The following SH3GL3 variants were observed in gnomAD, a reference collection of about 807,000 sequenced individuals.
SH3GL3 encodes the protein endophilin-A3.
SH3GL3 carries 33 observed loss-of-function variants against 47.7 expected under a neutral mutation model. That is an observed-to-expected ratio of 0.69 (90% confidence interval 0.52 to 0.92). The LOEUF (loss-of-function observed/expected upper bound fraction) is 0.92. Among genes scored for constraint, SH3GL3 ranks in the 40% least tolerant of loss-of-function variants. SH3GL3 has a pLI of 0.00. For synonymous variants in SH3GL3, 155 were observed against 148.8 expected, an observed-to-expected ratio of 1.04 and a Z score of -0.30; for missense variants, 363 against 417.8, an observed-to-expected ratio of 0.87 and a Z score of 1.14.
intron 1 of SH3GL3, among the ~76,000 whole-genome samples, chr15:83,467,624 T>C (rs1567243014): frequency 6.6e-6 from 1 of 152,236 alleles, no homozygotes; most frequent in Non-Finnish European, 1.5e-5. Flanking sequence ...TGGAAAGCAT[T>C]GATGAACATT....
intron 2 of SH3GL3, among the ~76,000 whole-genome samples, chr15:83,560,539 G>A (rs2045214555): frequency 6.6e-6 from 1 of 152,158 alleles, no homozygotes. Context: ...CAGTTGAAAT[G>A]TTAAATTTAA....
chr15:83,622,585 A>G (rs1345372959), downstream of SH3GL3, among the ~76,000 whole-genome samples: 1 of 152,250 alleles, frequency 6.6e-6, no homozygotes, highest in Admixed American at 6.5e-5. Context: ...GTCTGTTGAC[A>G]GATAGCTGCC....
At chr15:83,569,548 A>G (rs79237252) in intron 4 of SH3GL3, among the ~76,000 whole-genome samples, 2,203 of 152,328 alleles carry the variant, frequency 0.014, 24 homozygotes, top group Non-Finnish European at 0.022. Flanking sequence ...AGTCAAGAGT[A>G]TGCTTATTTT....
At chr15:83,508,643 T>C (rs1325666311) in intron 1 of SH3GL3, among the ~76,000 whole-genome samples, 1 of 152,038 alleles carries the variant, frequency 6.6e-6, no homozygotes, top group Non-Finnish European at 1.5e-5. Context: ...AGTGGCACGA[T>C]CTCAGCTCAC....
intron 1 of SH3GL3, among the ~76,000 whole-genome samples, chr15:83,465,014 T>TAAC (rs984706988): frequency 7.1e-5 from 9 of 126,870 alleles, no homozygotes; most frequent in African/African-American, 2.4e-4. Context: ...ATAATAATAA[T>TAAC]AATAATAATA....
At chr15:83,467,057 C>G (rs1057130523) in intron 1 of SH3GL3, among the ~76,000 whole-genome samples, 9 of 152,238 alleles carry the variant, frequency 5.9e-5, no homozygotes, top group African/African-American at 1.9e-4. Context: ...TTGATGAAGT[C>G]CAATTTAAGA....
rs757870421 is a variant in SH3GL3 at position 83,448,913 on chromosome 15, G to A, written c.45+1335G>A. 6.6e-6 allele frequency among the ~76,000 whole-genome samples: 1 copy of A among 152,130 alleles called. No homozygotes were observed. The highest frequency in any genetic ancestry group is 1.5e-5 in the Non-Finnish European group (1 of 68,032). Reference sequence around the variant, plus strand: ...CTATTCAGGTGAGGGTGGAGATGATGGATTCACCACTGAACCCAGGGACTT... The same window carrying A: ...CTATTCAGGTGAGGGTGGAGATGATAGATTCACCACTGAACCCAGGGACTT... On this transcript the variant is annotated intron_variant, in intron 1 of 8. Coordinates refer to ENST00000427482, the MANE Select transcript of SH3GL3 (RefSeq NM_003027.5). This position sits in a 1 kb window ranked among gnomAD's most constrained non-coding sequence, Gnocchi z 4.2.
At chr15:83,522,144 G>A (rs531043454) in intron 1 of SH3GL3, among the ~76,000 whole-genome samples, 1 of 152,152 alleles carries the variant, frequency 6.6e-6, no homozygotes, top group Non-Finnish European at 1.5e-5. Context: ...GTGCTTGATG[G>A]TAAGCACATC....
At chr15:83,552,298 GA>G (rs1222968729) in intron 1 of SH3GL3, among the ~76,000 whole-genome samples, 7 of 152,174 alleles carry the variant, frequency 4.6e-5, no homozygotes, top group Non-Finnish European at 5.9e-5. Flanking sequence ...GTTATACAAT[GA>G]TTTTTGAATA....
intron 1 of SH3GL3, among the ~76,000 whole-genome samples, chr15:83,460,408 C>T (rs1195665253): frequency 6.6e-6 from 1 of 152,018 alleles, no homozygotes. Context: ...GGTATATACT[C>T]ATGACCTTCG....
At chr15:83,565,466 A>T in intron 3 of SH3GL3, 1 of 376,728 alleles carries the variant, frequency 2.7e-6, no homozygotes, top group Non-Finnish European at 4.8e-6. Context: ...AGCACTGAGC[A>T]AAGGTTTTAT....
At chr15:83,575,015 G>A (rs1303092082) in intron 5 of SH3GL3, among the ~76,000 whole-genome samples, 2 of 152,194 alleles carry the variant, frequency 1.3e-5, no homozygotes, top group Non-Finnish European at 2.9e-5. Context: ...GTAGTCACAA[G>A]CCTCCCACGT....
intron 6 of SH3GL3, among the ~76,000 whole-genome samples, chr15:83,583,411 C>T (rs1455312809): frequency 6.6e-6 from 1 of 152,186 alleles, no homozygotes; most frequent in African/African-American, 2.4e-5. Context: ...CCTAAGACAG[C>T]CTTGGTTACA....
At chr15:83,553,404 AT>A (rs1290189595) in intron 1 of SH3GL3, among the ~76,000 whole-genome samples, 4 of 152,174 alleles carry the variant, frequency 2.6e-5, no homozygotes, top group African/African-American at 9.7e-5. Flanking sequence ...AGTATGTTGA[AT>A]TTAATCCAAT....
At chr15:83,529,726 T>A (rs968276268) in intron 1 of SH3GL3, among the ~76,000 whole-genome samples, 1 of 11,576 alleles carries the variant, frequency 8.6e-5, no homozygotes, top group Non-Finnish European at 1.7e-4. Flanking sequence ...GGGGCGGGGG[T>A]GGGGTGGCTG....
intron 1 of SH3GL3, among the ~76,000 whole-genome samples, chr15:83,462,436 C>G (rs977880260): frequency 2.0e-5 from 3 of 152,204 alleles, no homozygotes; most frequent in Admixed American, 6.5e-5. Context: ...GGCAATATCC[C>G]TAACAACTTT....
chr15:83,613,034 G>GC (rs1187664524), intron 8 of SH3GL3, among the ~76,000 whole-genome samples: 2 of 152,248 alleles, frequency 1.3e-5, no homozygotes, highest in East Asian at 1.9e-4. Flanking sequence ...AGGGAGGCAA[G>GC]CCCCAGCTCC....
At chr15:83,633,197 T>C in the SH3GL3 span, among the ~76,000 whole-genome samples, 1 of 152,172 alleles carries the variant, frequency 6.6e-6, no homozygotes, top group Non-Finnish European at 1.5e-5. Context: ...TGATTTGGTA[T>C]TACAGAAAAT....
chr15:83,470,607 A>G lies in SH3GL3; in HGVS notation c.45+23029A>G, dbSNP rs559538642. 2.2e-3 allele frequency among the ~76,000 whole-genome samples: 334 copies of G among 152,312 alleles called. 7 individuals carry two copies. The highest frequency in any genetic ancestry group is 4.9e-4 in the Non-Finnish European group (33 of 68,030). ...TACCTGTCTTCCTTTTAACTGGTGCATGTAGACCACTTACATTTAATGTAA... is the reference window on the plus strand; with the variant it reads ...TACCTGTCTTCCTTTTAACTGGTGCGTGTAGACCACTTACATTTAATGTAA... On this transcript the variant is annotated intron_variant, in intron 1 of 8. Transcript: ENST00000427482.
Sources: allele counts gnomAD v4.1 joint callset (sites outside exome capture counted in the v4.1 genomes callset), GRCh38; gene constraint gnomAD v4.1.1; non-coding constraint Gnocchi (gnomAD v3.1); transcripts MANE v1.5; gene names NCBI Gene and HGNC (gene_info 2026-07-23, HGNC 2026-07-21).